PTGER3: variants seen among roughly 807,000 people sequenced by gnomAD.
PTGER3 encodes the protein prostaglandin E receptor 3.
In PTGER3, 22 loss-of-function variants were observed where a neutral mutation model predicts 34.7. The ratio of observed to expected loss-of-function variants is 0.63; its 90% CI spans 0.45 to 0.91. The LOEUF is 0.91. Among genes scored for constraint, PTGER3 ranks in the 40% least tolerant of loss-of-function variants. The probability of loss-of-function intolerance (pLI) is 0.00; values close to 1 mark genes in which losing one functional copy is unlikely to be tolerated. For missense variants in PTGER3, 468 were observed against 519.4 expected, an observed-to-expected ratio of 0.90 and a Z score of 0.96; for synonymous variants, 241 against 230.1, an observed-to-expected ratio of 1.05 and a Z score of -0.43.
chr1:70,927,009 C>G (rs1179715408), intron 4 of PTGER3, among the ~76,000 whole-genome samples: 2 of 152,242 alleles, frequency 1.3e-5, no homozygotes, highest in Non-Finnish European at 2.9e-5. Context: ...ATTGAACCAT[C>G]CTTGCATCTC....
chr1:70,974,677 T>C (rs1414519221), intron 2 of PTGER3, among the ~76,000 whole-genome samples: 2 of 152,142 alleles, frequency 1.3e-5, no homozygotes, highest in Non-Finnish European at 2.9e-5. Context: ...CCTCAAGTGA[T>C]TGGTGAAGGG....
chr1:71,007,859 A>G (rs1382517689), intron 2 of PTGER3: 1 of 985,158 alleles, frequency 1.0e-6, no homozygotes. Flanking sequence ...AGAGATGCAC[A>G]AATGATAATA....
Position 71,046,977 on chromosome 1 carries a change from C to T in PTGER3, c.601G>A (p.Val201Ile), listed in dbSNP as rs1333863207. 2 of 1,611,758 alleles carry T rather than the reference C, an allele frequency of 1.2e-6. No individual in the cohort carries two copies. Among genetic ancestry groups the T allele is most frequent in the South Asian group, 2.2e-5 (2 of 90,804 alleles). ...LPVLGVGQYT[V>I]QWPGTWCFIS... is the part of the protein sequence containing the mutation. ...AAGCACCACGTCCCGGGCCACTGGA[C>T]GGTGTACTGGCCCACGCCCAGCACC... Residue 201 changes from valine to isoleucine, a missense_variant, in exon 1 of 4, where the codon GTC (valine) becomes ATC (isoleucine). Val to Ile is a conservative substitution (Grantham distance 29, BLOSUM62 3). Around this residue, in one of 5 missense-constraint regions of PTGER3, gnomAD observed 204 missense variants for 230.8 expected, o/e 0.88. Transcript: ENST00000306666.
chr1:71,008,284 A>G, intron 2 of PTGER3: 1 of 900,040 alleles, frequency 1.1e-6, no homozygotes, highest in Non-Finnish European at 1.3e-6. Context: ...ATTCTCAGTA[A>G]AGAAAATGTG....
chr1:70,990,176 A>AC (rs1018037336), intron 2 of PTGER3, among the ~76,000 whole-genome samples: 1 of 151,104 alleles, frequency 6.6e-6, no homozygotes, highest in East Asian at 2.0e-4. Context: ...ACACGGTGAA[A>AC]CCCCCTCTCT....
intron 4 of PTGER3, chr1:70,869,451 A>G (rs911219866): frequency 4.2e-5 from 13 of 311,882 alleles, no homozygotes; most frequent in African/African-American, 2.9e-4. Flanking sequence ...ATGACTTCTC[A>G]ATAGTACCCC....
chr1:70,901,566 C>T (rs535143564), intron 4 of PTGER3, among the ~76,000 whole-genome samples: 1 of 152,226 alleles, frequency 6.6e-6, no homozygotes, highest in African/African-American at 2.4e-5. Flanking sequence ...AATTATGTGC[C>T]AGATGCTGCA....
chr1:70,882,981 T>G (rs1380863363), intron 4 of PTGER3, among the ~76,000 whole-genome samples: 1 of 152,196 alleles, frequency 6.6e-6, no homozygotes, highest in Non-Finnish European at 1.5e-5. Context: ...TCTTGGACCC[T>G]CTAATCTCTT....
downstream of PTGER3, among the ~76,000 whole-genome samples, chr1:70,970,049 G>C (rs1652923238): frequency 6.6e-6 from 1 of 152,064 alleles, no homozygotes; most frequent in Non-Finnish European, 1.5e-5. Context: ...TCATGCTTCT[G>C]TTACCACATC....
At chr1:70,963,839 G>A (rs1652225122) in intron 2 of PTGER3, among the ~76,000 whole-genome samples, 1 of 152,130 alleles carries the variant, frequency 6.6e-6, no homozygotes, top group Admixed American at 6.5e-5. Context: ...TTTCTCCCCA[G>A]AAAATGGGTT....
chr1:71,012,117 T>G, intron 2 of PTGER3, 188 bp downstream of exon 2: 1 of 1,509,462 alleles, frequency 6.6e-7, no homozygotes, highest in East Asian at 2.3e-5. Flanking sequence ...TCCACTTCAA[T>G]GCATAAACAG....
At chr1:70,935,508 C>A (rs1225815626) in intron 4 of PTGER3, among the ~76,000 whole-genome samples, 4 of 151,908 alleles carry the variant, frequency 2.6e-5, no homozygotes, top group Admixed American at 2.6e-4. Context: ...TTTCAATATT[C>A]TGCATGACAA....
chr1:71,038,238 C>T (rs1050109398), intron 1 of PTGER3, among the ~76,000 whole-genome samples: 1 of 152,098 alleles, frequency 6.6e-6, no homozygotes, highest in Non-Finnish European at 1.5e-5. Context: ...AAAAGATATA[C>T]AAATCAAATT....
intron 2 of PTGER3, among the ~76,000 whole-genome samples, chr1:70,965,068 G>A (rs1557692990): frequency 6.6e-6 from 1 of 152,168 alleles, no homozygotes; most frequent in Non-Finnish European, 1.5e-5. Flanking sequence ...TACAGAAAGG[G>A]AGAAGGGAGT....
At chr1:70,936,609 C>T (rs571258423) in intron 4 of PTGER3, among the ~76,000 whole-genome samples, 1 of 152,132 alleles carries the variant, frequency 6.6e-6, no homozygotes, top group South Asian at 2.1e-4. Context: ...ATGGAAGAGG[C>T]TTTGTATGTT....
chr1:71,016,701 G>A (rs1307792665), intron 1 of PTGER3, among the ~76,000 whole-genome samples: 5 of 151,804 alleles, frequency 3.3e-5, no homozygotes, highest in African/African-American at 1.2e-4. Context: ...TACTTGGGAG[G>A]CTGAAGCAGG....
chr1:70,886,554 C>T (rs915101427), intron 4 of PTGER3, among the ~76,000 whole-genome samples: 6 of 152,186 alleles, frequency 3.9e-5, no homozygotes, highest in African/African-American at 1.4e-4. Flanking sequence ...TAAATGTCAT[C>T]TTATCAGAAA....
intron 1 of PTGER3, among the ~76,000 whole-genome samples, chr1:71,027,742 G>A (rs1364259806): frequency 6.6e-6 from 1 of 152,002 alleles, no homozygotes; most frequent in Non-Finnish European, 1.5e-5. Context: ...TTTTAAAAAA[G>A]TAAAAAGAAA....
intron 2 of PTGER3, among the ~76,000 whole-genome samples, chr1:70,954,215 G>A (rs528643766): frequency 1.3e-5 from 2 of 152,242 alleles, no homozygotes; most frequent in East Asian, 3.9e-4. Flanking sequence ...AGGTGGAAAA[G>A]GGCAGTGGAT....
Sources: gnomAD v4.1 joint callset for allele counts (sites outside exome capture counted in the v4.1 genomes callset) on GRCh38, gnomAD v4.1.1 for gene constraint, gnomAD v4.1.1 regional missense constraint, MANE v1.5 for transcripts, NCBI Gene and HGNC (gene_info 2026-07-23, HGNC 2026-07-21) for gene names.